Variants in RPL18 observed in about 807,000 individuals in gnomAD.
RPL18 encodes the protein ribosomal protein L18.
In RPL18, 4 loss-of-function variants were observed where a neutral mutation model predicts 25.0. The observed-to-expected ratio is 0.16, with a 90% CI of 0.08 to 0.37. The LOEUF (loss-of-function observed/expected upper bound fraction) is 0.37. Among genes scored for constraint, RPL18 ranks in the 10% least tolerant of loss-of-function variants. RPL18 has a pLI of 1.00. For synonymous variants in RPL18, 129 were observed against 101.6 expected, an observed-to-expected ratio of 1.27 and a Z score of -1.62; for missense variants, 179 against 267.9, an observed-to-expected ratio of 0.67 and a Z score of 2.32.
At chr19:48,615,576 G>C (rs866326246) in intron 6 of RPL18, 129 bp from the exon 7 acceptor site, 1 of 811,164 alleles carries the variant, frequency 1.2e-6, no homozygotes. Context: ...GCTTGGCAGA[G>C]TGGGAAGCCA....
At position 48,619,131 on chromosome 19, in the gene RPL18, G is replaced by A. The variant is rs754357500; in HGVS notation, c.3+10C>T. On this transcript the variant is annotated intron_variant, in intron 1 of 6. Coordinates refer to ENST00000549920, the MANE Select transcript of RPL18 (RefSeq NM_000979.4). The stretch of plus-strand genomic sequence containing the variant: ...ATTATCCAGCCCCGAACGCCGCAAA[G>A]CGAGCTCACCATGATGGCGCCTCCT... The A allele has an allele frequency of 1.3e-6, 2 of 1,593,058 alleles. No individual in the cohort carries two copies. Among genetic ancestry groups the A allele is most frequent in the South Asian group, 1.1e-5 (1 of 88,302 alleles).
chr19:48,615,464 G>T lies in RPL18; in HGVS notation c.492-17C>A. The T allele has an allele frequency of 6.2e-7, 1 of 1,602,420 alleles. No homozygotes were observed. Among genetic ancestry groups the T allele is most frequent in the Non-Finnish European group, 8.5e-7 (1 of 1,172,020 alleles). On this transcript the variant is annotated splice_polypyrimidine_tract_variant and intron_variant, in intron 6 of 6. Coordinates refer to ENST00000549920, the MANE Select transcript of RPL18 (RefSeq NM_000979.4). ...ACGTAGGGTCTGTGGGGAGAGGAGG[G>T]AGTGAGAGGGGGGCCCTCTTAAAGG...
chr19:48,616,072 C>T lies in RPL18; in HGVS notation c.421+7G>A. On this transcript the variant is annotated splice_region_variant and intron_variant, in intron 5 of 6. Transcript: ENST00000549920. ...CAGTCCAAACCCGTCGACCACGTAT[C>T]ACTCACCGGAGAGCAGGACAGTGCC... 2 of 1,614,182 alleles carry T rather than the reference C, an allele frequency of 1.2e-6. No individual in the cohort carries two copies. Among genetic ancestry groups the T allele is most frequent in the Middle Eastern group, 3.3e-4 (2 of 6,062 alleles).
intron 4 of RPL18, 60 bp from the exon 5 acceptor site, chr19:48,616,262 G>T (rs748777728): frequency 1.3e-6 from 2 of 1,598,654 alleles, no homozygotes; most frequent in South Asian, 2.2e-5. Context: ...GGGGCTGCCA[G>T]GACTCACCCT....
At position 48,616,140 on chromosome 19, in the gene RPL18, G is replaced by T; in HGVS notation, c.360C>A (p.Ile120=). ...RSRILRAGGK[I]LTFDQLALDS... ...CCAGGGCCAGCTGGTCGAAAGTGAGGATCTTGCCCCCTGCCCTGAGGATGC... is the reference window on the plus strand; with the variant it reads ...CCAGGGCCAGCTGGTCGAAAGTGAGTATCTTGCCCCCTGCCCTGAGGATGC... Residue 120 remains isoleucine (I), a synonymous_variant, in exon 5 of 7, where the codon ATC becomes ATA. Coordinates refer to ENST00000549920, the MANE Select transcript of RPL18 (RefSeq NM_000979.4). The T allele has an allele frequency of 6.2e-7, 1 of 1,614,160 alleles. No homozygotes were observed. Among genetic ancestry groups the T allele is most frequent in the South Asian group, 1.1e-5 (1 of 91,086 alleles).
Position 48,617,612 on chromosome 19 carries a change from C to T in RPL18, c.90+179G>A, listed in dbSNP as rs1245687502. On this transcript the variant is annotated intron_variant, in intron 2 of 6. Transcript: ENST00000549920. ...GGACCTAGAAAATCCTGGCTCCACT[C>T]CCGAGCTGTACACAGCCTAGAGGCT... 5.8e-6 allele frequency: 4 copies of T among 684,884 alleles called. No individual in the cohort carries two copies. The Admixed American group carries it at 8.4e-5, about 14-fold the overall frequency. The allele number at this position is 684,884 out of a possible 1,614,324, so 42.4% of individuals were successfully genotyped here. A position where few individuals can be genotyped will look rare whatever the true frequency, so the allele number is the denominator to read the frequency against.
At position 48,616,136 on chromosome 19, in the gene RPL18, T is replaced by C; in HGVS notation, c.364A>G (p.Thr122Ala). The change falls in exon 5 of 7, where the codon ACT becomes GCT. Residue 122 changes from threonine to alanine, a missense_variant. Physicochemically the swap from Thr to Ala is moderately conservative, Grantham distance 58. Transcript: ENST00000549920. ...RILRAGGKIL[T>A]FDQLALDSPK... Reference sequence around the variant, plus strand: ...GAGTCCAGGGCCAGCTGGTCGAAAGTGAGGATCTTGCCCCCTGCCCTGAGG... The same window carrying C: ...GAGTCCAGGGCCAGCTGGTCGAAAGCGAGGATCTTGCCCCCTGCCCTGAGG... 1 of 1,613,968 alleles carries C rather than the reference T, an allele frequency of 6.2e-7. No individual in the cohort carries two copies. Among genetic ancestry groups the C allele is most frequent in the East Asian group, 2.2e-5 (1 of 44,884 alleles).
At position 48,618,097 on chromosome 19, in the gene RPL18, T is replaced by C. The variant is rs552963614; in HGVS notation, c.4-220A>G. On this transcript the variant is annotated intron_variant, in intron 1 of 6. Transcript: ENST00000549920. ...CCATGGCACACAGAACCCTGAAACA[T>C]CGTAACACAGCAATCATATTAACTT... is the stretch of plus-strand genomic sequence containing the variant. 68 of 467,544 alleles carry C rather than the reference T, an allele frequency of 1.5e-4. No individual in the cohort carries two copies. In the South Asian group the frequency reaches 2.0e-3, roughly 13 times the overall value. 29.0% of individuals were successfully genotyped at this position (467,544 alleles called of 1,614,324 possible).
chr19:48,616,927 C>A, intron 3 of RPL18, 103 bp from the exon 4 acceptor site: 1 of 834,364 alleles, frequency 1.2e-6, no homozygotes, highest in Non-Finnish European at 2.1e-6. Context: ...TAACGGGACC[C>A]CCCACTCACA....
chr19:48,618,823 G>A (rs1459017645), intron 1 of RPL18: 7 of 455,198 alleles, frequency 1.5e-5, no homozygotes, highest in African/African-American at 2.0e-5. Flanking sequence ...TCCAGATAAA[G>A]GCAGCAAAGC....
chr19:48,616,149 C>T lies in RPL18; in HGVS notation c.351G>A (p.Gly117=), dbSNP rs549893596. 275 of 1,614,148 alleles carry T rather than the reference C, an allele frequency of 1.7e-4. 1 individual carries two copies. In the East Asian group the frequency reaches 5.8e-3, roughly 34 times the overall value. The change falls in exon 5 of 7, where the codon GGG becomes GGA. Residue 117 remains glycine (G), a synonymous_variant. Transcript: ENST00000549920. The stretch of plus-strand genomic sequence containing the variant: ...GCTGGTCGAAAGTGAGGATCTTGCC[C>T]CCTGCCCTGAGGATGCGGCTGCGGG... ...SRARSRILRA[G]GKILTFDQLA... is the part of the protein sequence containing the mutation.
intron 1 of RPL18, 172 bp from the exon 2 acceptor site, chr19:48,618,049 G>C: frequency 1.7e-6 from 1 of 572,780 alleles, no homozygotes; most frequent in Admixed American, 3.1e-5. Context: ...CTGTAAAAAG[G>C]GGCTGTTTAC....
chr19:48,618,848 T>G (rs1974276099), intron 1 of RPL18: 1 of 515,452 alleles, frequency 1.9e-6, no homozygotes, highest in Non-Finnish European at 3.4e-6. Flanking sequence ...TAACTAAGAG[T>G]GGCTGCGGGT....
intron 3 of RPL18, 178 bp from the exon 4 acceptor site, chr19:48,617,002 A>G (rs1231685267): frequency 1.4e-6 from 1 of 703,496 alleles, no homozygotes; most frequent in Admixed American, 2.0e-5. Context: ...AGATAAAAAA[A>G]AAAATGCAGA....
rs200188369 is a variant in RPL18 at position 48,615,951 on chromosome 19, G to T, written c.422-5C>A. Reference sequence around the variant, plus strand: ...CCTCTCGGCCCTTGCGAGGACCTAGGGAAGGGGAAGGAGAACCGGGTGAGA... The same window carrying T: ...CCTCTCGGCCCTTGCGAGGACCTAGTGAAGGGGAAGGAGAACCGGGTGAGA... On this transcript the variant is annotated splice_region_variant and splice_polypyrimidine_tract_variant and intron_variant, in intron 5 of 6. Coordinates refer to ENST00000549920, the MANE Select transcript of RPL18 (RefSeq NM_000979.4). 120 of 1,614,080 alleles carry T rather than the reference G, an allele frequency of 7.4e-5. No individual in the cohort carries two copies. In the African/African-American group the frequency reaches 1.5e-3, roughly 20 times the overall value.
rs1974205353 is a variant in RPL18 at position 48,617,363 on chromosome 19, A to G, written c.151T>C (p.Leu51=). 1 of 1,613,938 alleles carries G rather than the reference A, an allele frequency of 6.2e-7. No individual in the cohort carries two copies. The highest frequency in any genetic ancestry group is 8.5e-7 in the Non-Finnish European group (1 of 1,179,968). ...STFNQVVLKR[L]FMSRTNRPPL... is the part of the protein sequence containing the mutation. ...GGCCGGTTGGTGCGACTCATAAACA[A>G]CCTCTTCAACACAACCTGGTTGAAT... The change falls in exon 3 of 7, where the codon TTG becomes CTG. Residue 51 remains leucine (L), a synonymous_variant. Coordinates refer to ENST00000549920, the MANE Select transcript of RPL18 (RefSeq NM_000979.4).
At chr19:48,615,836 T>A in intron 6 of RPL18, 41 bp downstream of exon 6, 1 of 1,555,446 alleles carries the variant, frequency 6.4e-7, no homozygotes, top group Non-Finnish European at 8.8e-7. Context: ...CCCTGCAGGC[T>A]GAGTCTGGGG....
rs201450233 is a variant in RPL18 at position 48,615,971 on chromosome 19, G to C, written c.422-25C>G. ...CCTAGGGAAGGGGAAGGAGAACCGGGTGAGACAGGGATCTGGCGCCCAGCT... is the reference window on the plus strand; with the variant it reads ...CCTAGGGAAGGGGAAGGAGAACCGGCTGAGACAGGGATCTGGCGCCCAGCT... On this transcript the variant is annotated intron_variant, in intron 5 of 6. Coordinates refer to ENST00000549920, the MANE Select transcript of RPL18 (RefSeq NM_000979.4). 7.9e-5 allele frequency: 127 copies of C among 1,613,920 alleles called. No homozygotes were observed. The African/African-American group carries it at 1.5e-3, about 20-fold the overall frequency.
At chr19:48,617,927 C>T (rs1407114384) in intron 1 of RPL18, 50 bp from the exon 2 acceptor site, 1 of 1,348,130 alleles carries the variant, frequency 7.4e-7, no homozygotes, top group East Asian at 2.3e-5. Context: ...CAACCATAGC[C>T]AATTATTACT....
Sources: gnomAD v4.1 joint callset for allele counts on GRCh38, gnomAD v4.1.1 for gene constraint, MANE v1.5 for transcripts, NCBI Gene and HGNC (gene_info 2026-07-23, HGNC 2026-07-21) for gene names.